Variants in VWA8 observed in about 807,000 individuals in gnomAD.
VWA8 encodes von Willebrand factor A domain-containing protein 8.
VWA8 carries 221 observed loss-of-function variants against 241.5 expected under a neutral mutation model. That is an observed-to-expected ratio of 0.91 (90% CI 0.82 to 1.02). The LOEUF (loss-of-function observed/expected upper bound fraction) is 1.02, where lower values mean the gene tolerates loss of function less well. Among genes scored for constraint, VWA8 ranks in the 50% least tolerant of loss-of-function variants. The pLI, the probability that VWA8 is intolerant of heterozygous loss-of-function variation, is 0.00. For synonymous variants in VWA8, 852 were observed against 827.1 expected (o/e 1.03, Z -0.52); for missense variants, 2,322 against 2,328.7 (o/e 1.00, Z 0.06).
At chr13:41,772,943 C>T (rs1363542637) in intron 20 of VWA8, among the ~76,000 whole-genome samples, 4 of 152,126 alleles carry the variant, frequency 2.6e-5, no homozygotes, top group Non-Finnish European at 4.4e-5. Context: ...TAAAAGTTGC[C>T]ACTGGTAACA....
At position 41,907,582 on chromosome 13, in the gene VWA8, T is replaced by C. The variant is rs1472189939; in HGVS notation, c.483+4A>G. The stretch of plus-strand genomic sequence containing the variant: ...GTCATGGGCTAGAGTGTGACAGAAC[T>C]TGCCTGATCAATGTAAAAGGCTGTG... On this transcript the variant is annotated splice_donor_region_variant and intron_variant, in intron 4 of 44. Coordinates refer to ENST00000379310, the MANE Select transcript of VWA8 (RefSeq NM_015058.2). 24 of 1,613,662 alleles carry C rather than the reference T, an allele frequency of 1.5e-5. No individual in the cohort carries two copies. The highest frequency in any genetic ancestry group is 2.0e-5 in the Non-Finnish European group (24 of 1,179,676).
intron 40 of VWA8, among the ~76,000 whole-genome samples, chr13:41,594,566 T>A (rs1273597329): frequency 6.6e-6 from 1 of 152,114 alleles, no homozygotes; most frequent in Non-Finnish European, 1.5e-5. Flanking sequence ...CCAGAATATA[T>A]CTTATAGTTG....
chr13:41,953,145 T>C (rs771870441), intron 1 of VWA8, among the ~76,000 whole-genome samples: 2 of 152,160 alleles, frequency 1.3e-5, no homozygotes, highest in African/African-American at 2.4e-5. Context: ...TGGTAAATAA[T>C]GGAAGAAGTA....
chr13:41,890,710 G>A (rs1325262770), intron 5 of VWA8, among the ~76,000 whole-genome samples: 1 of 152,144 alleles, frequency 6.6e-6, no homozygotes, highest in Non-Finnish European at 1.5e-5. Flanking sequence ...TCTAGTAGAG[G>A]GAAGCAGACA....
chr13:41,636,358 A>G lies in VWA8; in HGVS notation c.4612-21274T>C, dbSNP rs916466290. On this transcript the variant is annotated intron_variant, in intron 37 of 44. Coordinates refer to ENST00000379310, the MANE Select transcript of VWA8 (RefSeq NM_015058.2). ...TCCCTATTTAATAAATGGTGGTGGG[A>G]AAACTGGCTAGCCATATGTAGAAAG... Among the ~76,000 whole-genome samples, 14 of 152,330 alleles carry G rather than the reference A, an allele frequency of 9.2e-5. No individual in the cohort carries two copies. In the South Asian group the frequency reaches 1.5e-3, roughly 16 times the overall value.
chr13:41,627,930 G>C (rs1566393552), intron 37 of VWA8, among the ~76,000 whole-genome samples: 1 of 152,194 alleles, frequency 6.6e-6, no homozygotes, highest in Non-Finnish European at 1.5e-5. Flanking sequence ...CAGGAAAATA[G>C]AGTCTGGAAG....
At chr13:41,745,882 T>A (rs780657763) in intron 21 of VWA8, among the ~76,000 whole-genome samples, 3 of 152,068 alleles carry the variant, frequency 2.0e-5, no homozygotes, top group South Asian at 2.1e-4. Flanking sequence ...ACTAAATTTT[T>A]AAAAAATCCC....
intron 34 of VWA8, 54 bp downstream of exon 34, chr13:41,689,300 G>C: frequency 6.4e-7 from 1 of 1,553,788 alleles, no homozygotes; most frequent in Non-Finnish European, 8.7e-7. Context: ...CAGATTATAG[G>C]TCAAACTAAG....
intron 29 of VWA8, among the ~76,000 whole-genome samples, chr13:41,693,674 CG>C (rs559522800): frequency 6.5e-4 from 98 of 151,718 alleles, no homozygotes; most frequent in Admixed American, 2.6e-3. Flanking sequence ...AATTAGGATA[CG>C]TTTTTTTAAG....
chr13:41,635,913 A>C (rs539355863), intron 37 of VWA8, among the ~76,000 whole-genome samples: 1 of 152,262 alleles, frequency 6.6e-6, no homozygotes, highest in South Asian at 2.1e-4. Context: ...TAGCTTATTA[A>C]TCCACAAAGA....
chr13:41,800,255 G>A (rs1264733212), intron 17 of VWA8, among the ~76,000 whole-genome samples: 4 of 152,236 alleles, frequency 2.6e-5, no homozygotes, highest in Non-Finnish European at 4.4e-5. Context: ...GTTTTTGTGT[G>A]GACCTGTTTT....
At position 41,761,172 on chromosome 13, in the gene VWA8, G is replaced by T. The variant is rs145470651; in HGVS notation, c.2382C>A (p.Phe794Leu). ...CTCGGGGTCTGTTGAGCAGGTGAAG[G>T]AATCTGTCAACAATCTTGTTTTTTC... ...GVGKNKIVDR[F>L]LHLLNRPREY... The change falls in exon 21 of 45, where the codon TTC becomes TTA. Residue 794 changes from phenylalanine (F) to leucine (L), a missense_variant. By Grantham distance (22) the Phe-to-Leu change is conservative (BLOSUM62 0). Transcript: ENST00000379310. 13 of 1,611,616 alleles carry T rather than the reference G, an allele frequency of 8.1e-6. No individual in the cohort carries two copies. Among genetic ancestry groups the T allele is most frequent in the Non-Finnish European group, 1.1e-5 (13 of 1,178,446 alleles).
chr13:41,579,355 T>TA (rs2044368794), intron 42 of VWA8, among the ~76,000 whole-genome samples: 1 of 152,228 alleles, frequency 6.6e-6, no homozygotes. Context: ...ACCCTAGTGT[T>TA]AGTTACGTAA....
intron 36 of VWA8, among the ~76,000 whole-genome samples, chr13:41,674,797 C>T (rs2045048775): frequency 6.6e-6 from 1 of 152,144 alleles, no homozygotes; most frequent in African/African-American, 2.4e-5. Context: ...ACTGCAGATG[C>T]ATAATAACAT....
At chr13:41,725,029 T>C (rs1438539668) in intron 24 of VWA8, among the ~76,000 whole-genome samples, 2 of 152,058 alleles carry the variant, frequency 1.3e-5, no homozygotes, top group Non-Finnish European at 2.9e-5. Flanking sequence ...CAGCTGCACA[T>C]GTGTAGGTTC....
chr13:41,883,515 G>A, intron 8 of VWA8, 24 bp from the exon 9 acceptor site: 3 of 1,538,154 alleles, frequency 2.0e-6, no homozygotes, highest in Non-Finnish European at 1.8e-6. Flanking sequence ...AAAATACATA[G>A]GAATGAGCAA....
chr13:41,633,870 C>T (rs1390853895), intron 37 of VWA8, among the ~76,000 whole-genome samples: 1 of 152,136 alleles, frequency 6.6e-6, no homozygotes, highest in African/African-American at 2.4e-5. Context: ...TTGTTTCCCA[C>T]TTATACCTTG....
intron 37 of VWA8, among the ~76,000 whole-genome samples, chr13:41,655,422 A>T (rs1274873248): frequency 6.6e-6 from 1 of 151,980 alleles, no homozygotes; most frequent in Admixed American, 6.6e-5. Flanking sequence ...CATGTCTACA[A>T]CTCACATTTA....
chr13:41,842,564 T>C (rs1338893210), intron 12 of VWA8, among the ~76,000 whole-genome samples: 4 of 152,218 alleles, frequency 2.6e-5, no homozygotes, highest in Non-Finnish European at 4.4e-5. Context: ...ATTTATACTA[T>C]GAACACAGAA....
Sources: gnomAD v4.1 joint callset for allele counts (sites outside exome capture counted in the v4.1 genomes callset) on GRCh38, gnomAD v4.1.1 for gene constraint, MANE v1.5 for transcripts, NCBI Gene and HGNC (gene_info 2026-07-23, HGNC 2026-07-21) for gene names.